PLG: variants seen among roughly 807,000 people sequenced by gnomAD.
The protein encoded by PLG is plasmin.
PLG carries 41 observed loss-of-function variants against 104.4 expected under a neutral mutation model. The ratio of observed to expected loss-of-function variants is 0.39; its 90% CI spans 0.31 to 0.51. The LOEUF is 0.51. Ranked by LOEUF, PLG falls within the 20% of genes least tolerant of loss-of-function variation. PLG has a pLI of 0.76. For missense variants in PLG, 891 were observed against 1,003.6 expected (o/e 0.89, Z 1.52); for synonymous variants, 337 against 357.1 (o/e 0.94, Z 0.63).
rs144747470 is a variant in PLG, at chr6:160,711,090, G to A, written c.306G>A (p.Glu102=). ...VLFEKKVYLS[E]CKTGNGKNYR... ...ACTTCCCTTCAGTGTATCTCTCAGA[G>A]TGCAAGACTGGGAATGGAAAGAACT... The change falls in exon 4 of 19, where the codon GAG becomes GAA. Residue 102 remains glutamate, a synonymous_variant. Coordinates refer to ENST00000308192, the MANE Select transcript of PLG (RefSeq NM_000301.5). 1.9e-5 allele frequency: 31 copies of A among 1,613,020 alleles called. No individual in the cohort carries two copies. Among genetic ancestry groups the A allele is most frequent in the African/African-American group, 2.7e-5 (2 of 75,006 alleles).
intron 4 of PLG, chr6:160,711,816 A>C: frequency 6.7e-7 from 1 of 1,500,026 alleles, no homozygotes; most frequent in East Asian, 2.3e-5. Flanking sequence ...CTCTCATCAC[A>C]TGTTCGACTC....
chr6:160,728,623 T>C (rs575697335), intron 10 of PLG, among the ~76,000 whole-genome samples: 11 of 152,184 alleles, frequency 7.2e-5, no homozygotes, highest in African/African-American at 2.6e-4. Context: ...AGTTTCTAGG[T>C]AGGTGACAAG....
In PLG at chr6:160,734,019, G is replaced by T. The variant is rs1221561439; in HGVS notation, c.1612G>T (p.Val538Leu). The T allele has an allele frequency of 6.8e-6, 11 of 1,609,154 alleles. No homozygotes were observed. The highest frequency in any genetic ancestry group is 9.4e-6 in the Non-Finnish European group (11 of 1,175,610). The change falls in exon 13 of 19, where the codon GTA (valine) becomes TTA (leucine). Residue 538 changes from valine to leucine, a missense_variant. Around this residue, in one of 2 missense-constraint regions of PLG, gnomAD observed 854 missense variants for 932.1 expected, o/e 0.92. Coordinates refer to ENST00000308192, the MANE Select transcript of PLG (RefSeq NM_000301.5). The surrounding 1 kb of genome is among the most constrained non-coding windows in gnomAD (Gnocchi z 4.4). Reference protein sequence around the residue: ...KNYCRNPDGDVGGPWCYTTNP... With the variant: ...KNYCRNPDGDLGGPWCYTTNP... ...GTACTGCCGTAACCCTGATGGTGAT[G>T]TAGGTGGTCCCTGGTGCTACACGAC...
At chr6:160,718,177 A>G (rs1304758803) in intron 7 of PLG, 117 bp from the exon 8 acceptor site, 20 of 845,818 alleles carry the variant, frequency 2.4e-5, no homozygotes, top group Non-Finnish European at 3.8e-5. Context: ...ACTTGAACCC[A>G]GGAGGCAGAG....
At position 160,726,474 on chromosome 6, in the gene PLG, A is replaced by T. The variant is rs532975193; in HGVS notation, c.1256+3907A>T. Among the ~76,000 whole-genome samples, 4 of 152,194 alleles carry T rather than the reference A, an allele frequency of 2.6e-5. No homozygotes were observed. The East Asian group carries it at 7.7e-4, about 29-fold the overall frequency. ...TAAATGCTTTCAGTAGAAAATAGAA[A>T]CATGTAAAAATCAATGACTTAAGAT... On this transcript the variant is annotated intron_variant, in intron 10 of 18. Coordinates refer to ENST00000308192, the MANE Select transcript of PLG (RefSeq NM_000301.5). This position sits in a 1 kb window ranked among gnomAD's most constrained non-coding sequence, Gnocchi z 4.4.
chr6:160,717,899 C>T, intron 7 of PLG, among the ~76,000 whole-genome samples: 1 of 152,166 alleles, frequency 6.6e-6, no homozygotes, highest in Admixed American at 6.5e-5. Flanking sequence ...CCAAGACAGG[C>T]CAGAACACCC....
chr6:160,702,577 T>C (rs1777438441), intron 1 of PLG, among the ~76,000 whole-genome samples: 1 of 152,140 alleles, frequency 6.6e-6, no homozygotes, highest in Non-Finnish European at 1.5e-5. Context: ...TAATGGGTGA[T>C]TTTTCAAATC....
rs771611047 is a variant in PLG, at chr6:160,738,491, A to G, written c.1803-47A>G. 2 of 1,137,566 alleles carry G rather than the reference A, an allele frequency of 1.8e-6. No individual in the cohort carries two copies. Among genetic ancestry groups the G allele is most frequent in the African/African-American group, 3.0e-5 (2 of 65,834 alleles). 70.5% of individuals were successfully genotyped at this position (1,137,566 alleles called of 1,614,324 possible). ...TCTGGCTTTCTGTACAATGGAGCAG[A>G]ACAAAGTATCAATTTAACTAAAATT... On this transcript the variant is annotated intron_variant, in intron 14 of 18. Coordinates refer to ENST00000308192, the MANE Select transcript of PLG (RefSeq NM_000301.5). The surrounding 1 kb of genome is among the most constrained non-coding windows in gnomAD (Gnocchi z 6.8).
rs1269915186 is a variant in PLG, at chr6:160,719,406, A to C, written c.1096+568A>C. ...TTTATGGTGATATAAATACAGTCTC[A>C]CAGCTCTATTTTCACTAGTATTTGT... On this transcript the variant is annotated intron_variant, in intron 9 of 18. Coordinates refer to ENST00000308192, the MANE Select transcript of PLG (RefSeq NM_000301.5). This position sits in a 1 kb window ranked among gnomAD's most constrained non-coding sequence, Gnocchi z 4.1. Among the ~76,000 whole-genome samples, 1 of 152,176 alleles carries C rather than the reference A, an allele frequency of 6.6e-6. No individual in the cohort carries two copies. Among genetic ancestry groups the C allele is most frequent in the African/African-American group, 2.4e-5 (1 of 41,444 alleles).
Position 160,731,237 on chromosome 6 carries a change from G to A in PLG, c.1438+5G>A, listed in dbSNP as rs1264396156. ...TAGAGACTCCTTCCGAAGAAGGTAA[G>A]AAATCTGTGGCTGGACATCTACACA... is the stretch of plus-strand genomic sequence containing the variant. On this transcript the variant is annotated splice_donor_5th_base_variant and intron_variant, in intron 11 of 18. Coordinates refer to ENST00000308192, the MANE Select transcript of PLG (RefSeq NM_000301.5). The surrounding 1 kb of genome is among the most constrained non-coding windows in gnomAD (Gnocchi z 5.1). 2 of 1,611,480 alleles carry A rather than the reference G, an allele frequency of 1.2e-6. No individual in the cohort carries two copies. Among genetic ancestry groups the A allele is most frequent in the Non-Finnish European group, 1.7e-6 (2 of 1,178,192 alleles).
At chr6:160,704,421 CTGCTCTGCTATACT>C in intron 1 of PLG, among the ~76,000 whole-genome samples, 1 of 152,296 alleles carries the variant, frequency 6.6e-6, no homozygotes, top group East Asian at 1.9e-4. Context: ...CAGTTGTAGC[CTGCTCTGCTATACT>C]TCAAAAAAAC....
At chr6:160,721,892 A>C (rs974764640) in intron 9 of PLG, among the ~76,000 whole-genome samples, 2 of 152,214 alleles carry the variant, frequency 1.3e-5, no homozygotes. Flanking sequence ...CAAGGGAATA[A>C]GATTTTTGCC....
At chr6:160,727,067 C>G (rs1382003056) in intron 10 of PLG, among the ~76,000 whole-genome samples, 1 of 151,730 alleles carries the variant, frequency 6.6e-6, no homozygotes, top group Non-Finnish European at 1.5e-5. Flanking sequence ...GCACCACCGT[C>G]AACATCAGGA....
rs1554252983 is a variant in PLG, at chr6:160,748,417, G to GAAAAAGAAAGAAAGGGAAA, written c.2126-3698_2126-3697insAAAAAGAAAGAAAGGGAAA. The stretch of plus-strand genomic sequence containing the variant: ...GAAAGAAAGGAAGAAAGAAAGAAAG[G>GAAAAAGAAAGAAAGGGAAA]GAAAGAAAGAGAACGAAAGAAAGAA... On this transcript the variant is annotated intron_variant, in intron 17 of 18. Transcript: ENST00000308192. Among the ~76,000 whole-genome samples, 403 of 62,264 alleles carry GAAAAAGAAAGAAAGGGAAA rather than the reference G, an allele frequency of 6.5e-3. 28 individuals carry two copies. Among genetic ancestry groups the GAAAAAGAAAGAAAGGGAAA allele is most frequent in the East Asian group, 0.025 (34 of 1,370 alleles). 40.8% of individuals were successfully genotyped at this position (62,264 alleles called of 152,430 possible).
Position 160,738,585 on chromosome 6 carries a change from TG to T in PLG, c.1851del (p.Leu618Ter). 1 of 1,609,268 alleles carries T rather than the reference TG, an allele frequency of 6.2e-7. No individual in the cohort carries two copies. Among genetic ancestry groups the T allele is most frequent in the Non-Finnish European group, 8.5e-7 (1 of 1,175,504 alleles). ...CGGTLISPEW[V>X]LTAAHCLEKS... ...GGCACCTTGATATCCCCAGAGTGGG[TG>T]TTGACTGCTGCCCACTGCTTGGAGA... On this transcript the variant is annotated frameshift_variant, in exon 15 of 19. Transcript: ENST00000308192. LOFTEE classifies it high-confidence loss of function. The surrounding 1 kb of genome is among the most constrained non-coding windows in gnomAD (Gnocchi z 6.8).
chr6:160,748,304 GAGAA>G (rs1016064629), intron 17 of PLG, among the ~76,000 whole-genome samples: 8 of 143,962 alleles, frequency 5.6e-5, no homozygotes, highest in African/African-American at 1.9e-4. Flanking sequence ...GACTCTATGT[GAGAA>G]AGAAAGAAAG....
intron 17 of PLG, among the ~76,000 whole-genome samples, chr6:160,743,941 A>G (rs1477790403): frequency 6.6e-6 from 1 of 151,966 alleles, no homozygotes; most frequent in African/African-American, 2.4e-5. Context: ...CTTTAGTTAT[A>G]TTTATGTGAT....
chr6:160,714,341 A>G (rs1777695578), intron 5 of PLG, among the ~76,000 whole-genome samples: 1 of 152,230 alleles, frequency 6.6e-6, no homozygotes, highest in African/African-American at 2.4e-5. Flanking sequence ...AGACGGTGCC[A>G]GGTCATTCAG....
chr6:160,736,888 G>A lies in PLG; in HGVS notation c.1683G>A (p.Ala561=), dbSNP rs779248927. ...TTTCTTTCCCACCTTGTGCCACAGCGGCCCCTTCATTTGATTGTGGGAAGC... is the reference window on the plus strand; with the variant it reads ...TTTCTTTCCCACCTTGTGCCACAGCAGCCCCTTCATTTGATTGTGGGAAGC... ...LYDYCDVPQC[A]APSFDCGKPQ... is the part of the protein sequence containing the mutation. The change falls in exon 14 of 19, where the codon GCG becomes GCA. Residue 561 remains alanine, a splice_region_variant and synonymous_variant. Transcript: ENST00000308192. The surrounding 1 kb of genome is among the most constrained non-coding windows in gnomAD (Gnocchi z 5.2). 25 of 1,613,704 alleles carry A rather than the reference G, an allele frequency of 1.5e-5. No homozygotes were observed. The East Asian group carries it at 2.0e-4, about 13-fold the overall frequency.
Sources: gnomAD v4.1 joint callset for allele counts (sites outside exome capture counted in the v4.1 genomes callset) on GRCh38, gnomAD v4.1.1 for gene constraint, gnomAD v4.1.1 regional missense constraint, Gnocchi (gnomAD v3.1) non-coding constraint, MANE v1.5 for transcripts, NCBI Gene and HGNC (gene_info 2026-07-23, HGNC 2026-07-21) for gene names.